Variants in ZMAT3 observed in about 807,000 individuals in gnomAD.
ZMAT3 encodes zinc finger matrin-type 3.
ZMAT3 carries 17 observed loss-of-function variants against 32.3 expected under a neutral mutation model. The observed-to-expected ratio is 0.53, with a 90% CI of 0.36 to 0.79. The LOEUF (loss-of-function observed/expected upper bound fraction) is 0.79, where lower values mean the gene tolerates loss of function less well. Ranked by LOEUF, ZMAT3 falls within the 30% of genes least tolerant of loss-of-function variation. The pLI is 0.00. For synonymous variants in ZMAT3, 120 were observed against 133.1 expected (o/e 0.90, Z 0.68); for missense variants, 329 against 359.7 (o/e 0.91, Z 0.69).
chr3:179,064,210 T>C (rs1401231790), intron 2 of ZMAT3, among the ~76,000 whole-genome samples: 1 of 152,248 alleles, frequency 6.6e-6, no homozygotes, highest in Non-Finnish European at 1.5e-5. Context: ...ACAAATGTGT[T>C]TCTAGCTCAT....
Position 179,021,557 on chromosome 3 carries a change from T to G in ZMAT3, c.*3460A>C, listed in dbSNP as rs887127589. The stretch of plus-strand genomic sequence containing the variant: ...TCTAAGTATTTTTTTTTCTAATTTT[T>G]GTTGTTGTTGTGGTTTAGGCCTCTG... On this transcript the variant is annotated 3_prime_UTR_variant, in exon 6 of 6. Transcript: ENST00000311417. 1.3e-5 allele frequency: 2 copies of G among 152,146 alleles called. No homozygotes were observed. Among genetic ancestry groups the G allele is most frequent in the Non-Finnish European group, 2.9e-5 (2 of 68,028 alleles). The allele number at this position is 152,146 out of a possible 1,614,324, so 9.4% of individuals were successfully genotyped here.
chr3:179,026,379 C>CTTTTTTTTTTTTT (rs1235818885), intron 5 of ZMAT3, among the ~76,000 whole-genome samples: 2 of 65,896 alleles, frequency 3.0e-5, no homozygotes, highest in African/African-American at 6.6e-5. Context: ...ATGAATTGTG[C>CTTTTTTTTTTTTT]TTTTTTTTTT....
At chr3:179,038,681 G>C (rs1325333677) in intron 2 of ZMAT3, among the ~76,000 whole-genome samples, 1 of 152,228 alleles carries the variant, frequency 6.6e-6, no homozygotes, top group Non-Finnish European at 1.5e-5. Context: ...TTTGAACTGA[G>C]GTACCTGGTT....
At chr3:179,030,251 T>A (rs1409017381) in intron 3 of ZMAT3, among the ~76,000 whole-genome samples, 1 of 152,160 alleles carries the variant, frequency 6.6e-6, no homozygotes, top group Non-Finnish European at 1.5e-5. Flanking sequence ...AGGCAAAATC[T>A]GAAATAAATG....
At chr3:179,048,022 GAA>G (rs2108565831) in intron 2 of ZMAT3, among the ~76,000 whole-genome samples, 1 of 152,312 alleles carries the variant, frequency 6.6e-6, no homozygotes, top group African/African-American at 2.4e-5. Context: ...AAAATGCACT[GAA>G]AAGTCTCAGC....
chr3:179,052,038 C>G (rs1720593517), intron 2 of ZMAT3, among the ~76,000 whole-genome samples: 1 of 152,088 alleles, frequency 6.6e-6, no homozygotes, highest in Admixed American at 6.6e-5. Context: ...AGAGATGGAT[C>G]AAAGACTTAA....
rs568533841 is a variant in ZMAT3, at chr3:179,017,808, C to G, written c.*7209G>C. ...AGCAAAATCGGTTTTGCTTCTGAAT[C>G]TAGAGCATATTTCCAAGGAGAAGCA... On this transcript the variant is annotated 3_prime_UTR_variant, in exon 6 of 6. Coordinates refer to ENST00000311417, the MANE Select transcript of ZMAT3 (RefSeq NM_022470.4). 6.6e-6 allele frequency: 1 copy of G among 152,230 alleles called. No individual in the cohort carries two copies. Among genetic ancestry groups the G allele is most frequent in the African/African-American group, 2.4e-5 (1 of 41,558 alleles). The allele number at this position is 152,230 out of a possible 1,614,324, so 9.4% of individuals were successfully genotyped here.
At chr3:179,043,916 A>G (rs1720087410) in intron 2 of ZMAT3, among the ~76,000 whole-genome samples, 1 of 152,226 alleles carries the variant, frequency 6.6e-6, no homozygotes, top group Non-Finnish European at 1.5e-5. Context: ...AAAGGATATG[A>G]GGATATGAAC....
At chr3:179,064,162 G>A (rs1721287420) in intron 2 of ZMAT3, among the ~76,000 whole-genome samples, 1 of 152,176 alleles carries the variant, frequency 6.6e-6, no homozygotes, top group Non-Finnish European at 1.5e-5. Flanking sequence ...TGACTAAAAA[G>A]TTTTGAGTAA....
rs1421059145 is a variant in ZMAT3 at position 179,046,930 on chromosome 3, G to GT, written c.271-15932_271-15931insA. Among the ~76,000 whole-genome samples the GT allele has an allele frequency of 6.6e-6, 1 of 152,126 alleles. No individual in the cohort carries two copies. The highest frequency in any genetic ancestry group is 1.5e-5 in the Non-Finnish European group (1 of 68,032). On this transcript the variant is annotated intron_variant, in intron 2 of 5. Coordinates refer to ENST00000311417, the MANE Select transcript of ZMAT3 (RefSeq NM_022470.4). This position sits in a 1 kb window ranked among gnomAD's most constrained non-coding sequence, Gnocchi z 4.3. Reference sequence around the variant, plus strand: ...GTCTTCTCTACCCACACTGGTGGCCGAAGACAAAGGACATAAGCTCTTGGG... The same window carrying GT: ...GTCTTCTCTACCCACACTGGTGGCCGTAAGACAAAGGACATAAGCTCTTGGG...
At chr3:179,069,065 C>T (rs1391519079) in intron 1 of ZMAT3, among the ~76,000 whole-genome samples, 2 of 148,716 alleles carry the variant, frequency 1.3e-5, no homozygotes, top group African/African-American at 5.1e-5. Context: ...CTGCCTCATA[C>T]AGCCTTAGAT....
Position 179,025,079 on chromosome 3 carries a change from G to T in ZMAT3, c.808C>A (p.His270Asn). 1 of 1,614,174 alleles carries T rather than the reference G, an allele frequency of 6.2e-7. No homozygotes were observed. The highest frequency in any genetic ancestry group is 8.5e-7 in the Non-Finnish European group (1 of 1,180,036). Residue 270 changes from histidine to asparagine, a missense_variant, in exon 6 of 6, where the codon CAT becomes AAT. Physicochemically the swap from His to Asn is moderately conservative, Grantham distance 68. Transcript: ENST00000311417. ...CGCTGTTCAGACACCTTGCTCTTATGTTGCTTGCTCTCTAAATGCTGCCGG... is the reference window on the plus strand; with the variant it reads ...CGCTGTTCAGACACCTTGCTCTTATTTTGCTTGCTCTCTAAATGCTGCCGG... ...EFRQHLESKQ[H>N]KSKVSEQRYR... is the part of the protein sequence containing the mutation.
At chr3:179,067,423 A>G in intron 2 of ZMAT3, 60 bp downstream of exon 2, 2 of 1,570,586 alleles carry the variant, frequency 1.3e-6, no homozygotes, top group Middle Eastern at 1.7e-4. Context: ...CAACTGCTAA[A>G]TAGCCAGAGC....
Position 179,025,017 on chromosome 3 carries a change from C to T in ZMAT3, c.870G>A (p.Ter290=), listed in dbSNP as rs1718787779. 1 of 1,613,774 alleles carries T rather than the reference C, an allele frequency of 6.2e-7. No homozygotes were observed. The highest frequency in any genetic ancestry group is 1.1e-5 in the South Asian group (1 of 91,070). ...CTGCTCTATCTTAATATGATAATCA[C>T]TATACATATCCCAGATTCTCCATCT... The part of the protein sequence containing the change: ...RNEMENLGYV[*] The change falls in exon 6 of 6, where the codon TAG becomes TAA. Residue 290 remains the stop codon, a stop_retained_variant. Coordinates refer to ENST00000311417, the MANE Select transcript of ZMAT3 (RefSeq NM_022470.4).
intron 2 of ZMAT3, among the ~76,000 whole-genome samples, chr3:179,056,489 C>T (rs879557088): frequency 2.0e-5 from 3 of 152,172 alleles, no homozygotes; most frequent in Non-Finnish European, 2.9e-5. Flanking sequence ...AAATAAGCCG[C>T]CCCCTTGTCC....
At position 179,018,244 on chromosome 3, in the gene ZMAT3, A is replaced by C. The variant is rs1298253316; in HGVS notation, c.*6773T>G. On this transcript the variant is annotated 3_prime_UTR_variant, in exon 6 of 6. Transcript: ENST00000311417. The stretch of plus-strand genomic sequence containing the variant: ...TAATAATAAATGATATAGAACATTT[A>C]TTATTTTCACTAGTGAGGGGGTCAC... 1 of 152,176 alleles carries C rather than the reference A, an allele frequency of 6.6e-6. No homozygotes were observed. 9.4% of individuals were successfully genotyped at this position (152,176 alleles called of 1,614,324 possible).
At chr3:179,031,304 T>C (rs1719174137) in intron 2 of ZMAT3, among the ~76,000 whole-genome samples, 1 of 149,992 alleles carries the variant, frequency 6.7e-6, no homozygotes, top group East Asian at 1.9e-4. Flanking sequence ...CTACTAGAGG[T>C]CTTGATATCT....
chr3:179,058,433 C>G (rs1418458884), intron 2 of ZMAT3, among the ~76,000 whole-genome samples: 1 of 152,216 alleles, frequency 6.6e-6, no homozygotes, highest in East Asian at 1.9e-4. Context: ...CCAACATCAA[C>G]TTGTATACTG....
At chr3:179,072,124 G>C (rs1485874792), upstream of ZMAT3, 1 of 152,550 alleles carries the variant, frequency 6.6e-6, no homozygotes, top group Non-Finnish European at 1.5e-5. Flanking sequence ...CAGAGCTTTT[G>C]CAACTTTCAT....
Sources: allele counts gnomAD v4.1 joint callset (sites outside exome capture counted in the v4.1 genomes callset), GRCh38; gene constraint gnomAD v4.1.1; non-coding constraint Gnocchi (gnomAD v3.1); transcripts MANE v1.5; gene names NCBI Gene and HGNC (gene_info 2026-07-23, HGNC 2026-07-21).